The following SPIDR variants were observed in gnomAD, a reference collection of about 807,000 sequenced individuals.
The protein encoded by SPIDR is scaffold protein involved in DNA repair.
Under a neutral mutation model 104.6 loss-of-function variants are expected in SPIDR, and 93 were observed. The ratio of observed to expected loss-of-function variants is 0.89; its 90% CI spans 0.75 to 1.06. The LOEUF is 1.06. SPIDR is among the 50% of genes least tolerant of loss of function. The probability of loss-of-function intolerance (pLI) is 0.00; values close to 1 mark genes in which losing one functional copy is unlikely to be tolerated. For missense variants in SPIDR, 1,154 were observed against 1,111.2 expected, an observed-to-expected ratio of 1.04 and a Z score of -0.55; for synonymous variants, 431 against 416.9, an observed-to-expected ratio of 1.03 and a Z score of -0.41.
At chr8:47,334,442 T>C (rs1316140633) in intron 5 of SPIDR, among the ~76,000 whole-genome samples, 14 of 152,230 alleles carry the variant, frequency 9.2e-5, no homozygotes, top group African/African-American at 2.9e-4. Flanking sequence ...AACACTCTGT[T>C]GATAGGTATA....
intron 7 of SPIDR, among the ~76,000 whole-genome samples, chr8:47,432,663 C>T (rs984742500): frequency 1.3e-5 from 2 of 152,082 alleles, no homozygotes; most frequent in African/African-American, 2.4e-5. Flanking sequence ...GAGAAACTCA[C>T]CAGGGAGACA....
chr8:47,419,566 C>G (rs2065035456), intron 7 of SPIDR, among the ~76,000 whole-genome samples: 1 of 152,060 alleles, frequency 6.6e-6, no homozygotes, highest in Admixed American at 6.6e-5. Context: ...TTTCAAAAAA[C>G]CAGCTCCTGG....
At chr8:47,617,414 T>C (rs2064487610) in intron 10 of SPIDR, among the ~76,000 whole-genome samples, 1 of 152,142 alleles carries the variant, frequency 6.6e-6, no homozygotes, top group African/African-American at 2.4e-5. Context: ...GTTATTCATG[T>C]TTGTTTCAGG....
chr8:47,379,839 C>T (rs1375159475), intron 5 of SPIDR, among the ~76,000 whole-genome samples: 1 of 152,172 alleles, frequency 6.6e-6, no homozygotes, highest in Non-Finnish European at 1.5e-5. Context: ...GGGTGAGGAG[C>T]ACCCCCTGGG....
intron 16 of SPIDR, among the ~76,000 whole-genome samples, chr8:47,721,393 C>T (rs1473719707): frequency 1.3e-5 from 2 of 152,052 alleles, no homozygotes; most frequent in Non-Finnish European, 2.9e-5. Flanking sequence ...TGTCAAAGAT[C>T]AGGTGACTAT....
At chr8:47,688,369 G>T (rs968214525) in intron 11 of SPIDR, 1 of 152,078 alleles carries the variant, frequency 6.6e-6, no homozygotes. Context: ...AGATCCGCCC[G>T]CCTCGGCCTC....
At chr8:47,685,505 A>ATTTTTTTTTTTTTT (rs201735323) in intron 11 of SPIDR, among the ~76,000 whole-genome samples, 3 of 104,356 alleles carry the variant, frequency 2.9e-5, no homozygotes, top group Non-Finnish European at 4.8e-5. Flanking sequence ...TTATTTATTT[A>ATTTTTTTTTTTTTT]TTTATTTATT....
chr8:47,335,946 G>A (rs180842846), intron 5 of SPIDR, among the ~76,000 whole-genome samples: 45 of 149,518 alleles, frequency 3.0e-4, no homozygotes, highest in African/African-American at 1.1e-3. Context: ...TTCTGCATTT[G>A]TCTAGCTTGC....
intron 16 of SPIDR, among the ~76,000 whole-genome samples, chr8:47,721,438 T>C (rs1458486783): frequency 2.0e-5 from 3 of 152,150 alleles, no homozygotes; most frequent in Non-Finnish European, 4.4e-5. Flanking sequence ...GATCTATTTG[T>C]TCTTTTGCTA....
intron 8 of SPIDR, among the ~76,000 whole-genome samples, chr8:47,492,064 C>G (rs1451818013): frequency 2.0e-5 from 3 of 151,432 alleles, no homozygotes; most frequent in Non-Finnish European, 4.4e-5. Flanking sequence ...ACTCCCCAAC[C>G]TGAAAAGAGA....
chr8:47,620,196 A>G (rs185212630), intron 10 of SPIDR, among the ~76,000 whole-genome samples: 10 of 152,180 alleles, frequency 6.6e-5, no homozygotes, highest in Admixed American at 6.5e-4. Flanking sequence ...GAGAAGGACA[A>G]GTTAGATCTC....
intron 5 of SPIDR, among the ~76,000 whole-genome samples, chr8:47,353,243 T>C (rs2053899771): frequency 6.6e-6 from 1 of 152,138 alleles, no homozygotes; most frequent in Admixed American, 6.5e-5. Context: ...ATACGCCAGA[T>C]TGTATTTTAC....
intron 2 of SPIDR, among the ~76,000 whole-genome samples, 191 bp downstream of exon 2, chr8:47,280,208 C>T (rs1308013348): frequency 6.6e-6 from 1 of 151,318 alleles, no homozygotes; most frequent in African/African-American, 2.4e-5. Flanking sequence ...AGTTAGTATT[C>T]ACCTTTTTAT....
rs557798219 is a variant in SPIDR, at chr8:47,364,743, C to T, written c.526-31633C>T. 3.3e-5 allele frequency among the ~76,000 whole-genome samples: 5 copies of T among 152,084 alleles called. No individual in the cohort carries two copies. The East Asian group carries it at 9.6e-4, about 29-fold the overall frequency. On this transcript the variant is annotated intron_variant, in intron 5 of 19. Coordinates refer to ENST00000297423, the MANE Select transcript of SPIDR (RefSeq NM_001080394.4). ...TTTCTGATAATGCCAGCCTGATAAT[C>T]CAAAAAAAAGTCTGTTAAAAAGCAG...
chr8:47,499,723 G>A (rs1053976013), intron 8 of SPIDR, among the ~76,000 whole-genome samples: 1 of 151,852 alleles, frequency 6.6e-6, no homozygotes, highest in Admixed American at 6.6e-5. Context: ...GTGCCATGTC[G>A]GTATGCTACA....
intron 5 of SPIDR, among the ~76,000 whole-genome samples, chr8:47,374,277 T>C (rs1343056897): frequency 6.6e-6 from 1 of 152,126 alleles, no homozygotes; most frequent in African/African-American, 2.4e-5. Context: ...ATCCTAACAC[T>C]TTGGGAGGCT....
chr8:47,583,370 G>C (rs2059938310), intron 8 of SPIDR, among the ~76,000 whole-genome samples: 1 of 151,242 alleles, frequency 6.6e-6, no homozygotes, highest in Non-Finnish European at 1.5e-5. Context: ...TGGTAGTGTT[G>C]GGTATATGTG....
intron 14 of SPIDR, among the ~76,000 whole-genome samples, chr8:47,705,740 C>CA (rs1402087378): frequency 6.6e-6 from 1 of 151,968 alleles, no homozygotes; most frequent in Admixed American, 6.6e-5. Flanking sequence ...CCCGTCTCTA[C>CA]AAAAAAATTA....
chr8:47,715,229 T>C (rs1246645996), intron 16 of SPIDR, among the ~76,000 whole-genome samples: 1 of 152,092 alleles, frequency 6.6e-6, no homozygotes, highest in Admixed American at 6.6e-5. Flanking sequence ...CAGGCTGGAG[T>C]GCAGTGGTGT....
Sources: allele counts gnomAD v4.1 joint callset (sites outside exome capture counted in the v4.1 genomes callset), GRCh38; gene constraint gnomAD v4.1.1; transcripts MANE v1.5; gene names NCBI Gene and HGNC (gene_info 2026-07-23, HGNC 2026-07-21).